ACSBG2: variants seen among roughly 807,000 people sequenced by gnomAD.
ACSBG2 encodes acyl-CoA synthetase bubblegum family member 2.
Under a neutral mutation model 74.7 loss-of-function variants are expected in ACSBG2, and 62 were observed. That is an observed-to-expected ratio of 0.83 (90% CI 0.68 to 1.03). The LOEUF is 1.03. ACSBG2 is among the 50% of genes least tolerant of loss of function. The probability of loss-of-function intolerance (pLI) is 0.00; values close to 1 mark genes in which losing one functional copy is unlikely to be tolerated. For synonymous variants in ACSBG2, 309 were observed against 294.1 expected (o/e 1.05, Z -0.52); for missense variants, 730 against 817.6 (o/e 0.89, Z 1.31).
chr19:6,144,367 A>G (rs1360677167), intron 2 of ACSBG2, among the ~76,000 whole-genome samples: 2 of 152,230 alleles, frequency 1.3e-5, no homozygotes, highest in Non-Finnish European at 2.9e-5. Context: ...TGTCTTTATA[A>G]AAGGAGGAAA....
intron 6 of ACSBG2, among the ~76,000 whole-genome samples, chr19:6,163,795 A>AC (rs1173074339): frequency 2.0e-5 from 3 of 147,976 alleles, no homozygotes; most frequent in African/African-American, 7.4e-5. Context: ...AAAAAAAAAA[A>AC]AAAAAACAGC....
rs77295395 is a variant in ACSBG2 at position 6,177,163 on chromosome 19, A to C, written c.739-66A>C. The C allele has an allele frequency of 6.2e-3, 9,661 of 1,557,096 alleles. 335 individuals are homozygous for C. In the African/African-American group the frequency reaches 0.086, roughly 14 times the overall value. On this transcript the variant is annotated intron_variant, in intron 7 of 14. Transcript: ENST00000588485. ...GTGAGCCCTGTCTGAAAAATAAATA[A>C]AAATTTAAAAATAAAATGGCCCTTC... is the stretch of plus-strand genomic sequence containing the variant.
At position 6,135,897 on chromosome 19, in the gene ACSBG2, T is replaced by G. The variant is rs1355068386; in HGVS notation, c.-44T>G. ...GCCAGATGGCCAGAACCACACCTCT[T>G]GAAGAGTGACAGGTGCCAGTGGTAT... On this transcript the variant is annotated 5_prime_UTR_variant, in exon 1 of 15. Transcript: ENST00000588485. 1.3e-5 allele frequency: 2 copies of G among 152,368 alleles called. No homozygotes were observed. Among genetic ancestry groups the G allele is most frequent in the Non-Finnish European group, 2.9e-5 (2 of 68,260 alleles). The allele number at this position is 152,368 out of a possible 1,614,324, so 9.4% of individuals were successfully genotyped here.
At position 6,148,555 on chromosome 19, in the gene ACSBG2, G is replaced by C. The variant is rs1395933738; in HGVS notation, c.297+880G>C. On this transcript the variant is annotated intron_variant, in intron 3 of 14. Coordinates refer to ENST00000588485, the MANE Select transcript of ACSBG2 (RefSeq NM_030924.5). ...CAGCTATCAGGAGGCTGAGGTGGGA[G>C]GATCACTTGAGCCTCGGAGGTCGAG... Among the ~76,000 whole-genome samples, 11 of 152,012 alleles carry C rather than the reference G, an allele frequency of 7.2e-5. No homozygotes were observed. In the East Asian group the frequency reaches 1.2e-3, roughly 16 times the overall value.
chr19:6,147,692 C>A lies in ACSBG2; in HGVS notation c.297+17C>A. On this transcript the variant is annotated intron_variant, in intron 3 of 14. Transcript: ENST00000588485. ...TTGATCAAGGTAAGATTCATTCATTCATTCTCCTTTGTTCAACCATTCATT... is the reference window on the plus strand; with the variant it reads ...TTGATCAAGGTAAGATTCATTCATTAATTCTCCTTTGTTCAACCATTCATT... 1 of 1,602,130 alleles carries A rather than the reference C, an allele frequency of 6.2e-7. No individual in the cohort carries two copies. Among genetic ancestry groups the A allele is most frequent in the Non-Finnish European group, 8.6e-7 (1 of 1,169,118 alleles).
intron 5 of ACSBG2, among the ~76,000 whole-genome samples, chr19:6,158,303 C>T (rs111991673): frequency 0.058 from 8,832 of 151,702 alleles, 293 homozygotes; most frequent in African/African-American, 0.1. Context: ...GTGATCTGCC[C>T]GCCTCGGTCT....
chr19:6,141,137 T>C (rs2088813698), intron 1 of ACSBG2, among the ~76,000 whole-genome samples: 1 of 152,168 alleles, frequency 6.6e-6, no homozygotes, highest in Admixed American at 6.6e-5. Context: ...TTATCCTGTT[T>C]CTCCTTTAGG....
intron 7 of ACSBG2, among the ~76,000 whole-genome samples, chr19:6,167,172 C>T (rs184929488): frequency 1.3e-5 from 2 of 152,270 alleles, no homozygotes; most frequent in South Asian, 2.1e-4. Context: ...TGCTTCCCTG[C>T]CCCCCCTCAG....
At chr19:6,184,868 A>AAAAAAC (rs2090361021) in intron 10 of ACSBG2, among the ~76,000 whole-genome samples, 1 of 141,546 alleles carries the variant, frequency 7.1e-6, no homozygotes, top group Non-Finnish European at 1.5e-5. Flanking sequence ...AAAAAAAAAA[A>AAAAAAC]AAAACGAAAA....
rs2090450940 is a variant in ACSBG2, at chr19:6,187,723, T to C, written c.1805T>C (p.Leu602Pro). 1 of 1,613,846 alleles carries C rather than the reference T, an allele frequency of 6.2e-7. No homozygotes were observed. The highest frequency in any genetic ancestry group is 8.5e-7 in the Non-Finnish European group (1 of 1,179,930). Reference protein sequence around the residue: ...VTEIVKQQDPLVYKAIQQGIN... With the variant: ...VTEIVKQQDPPVYKAIQQGIN... ...GAGATTGTGAAGCAGCAAGACCCCC[T>C]GGTCTACAAGGCCATCCAGCAAGGC... is the stretch of plus-strand genomic sequence containing the variant. Residue 602 changes from leucine (L) to proline (P), a missense_variant, in exon 13 of 15, where the codon CTG becomes CCG. By Grantham distance (98) the Leu-to-Pro change is moderately conservative (BLOSUM62 -3). Transcript: ENST00000588485.
At position 6,183,017 on chromosome 19, in the gene ACSBG2, T is replaced by C. The variant is rs3810456; in HGVS notation, c.1089-22T>C. The C allele has an allele frequency of 8.4e-3, 13,552 of 1,613,750 alleles. 128 individuals carry two copies. The highest frequency in any genetic ancestry group is 0.037 in the African/African-American group (2,812 of 75,018). On this transcript the variant is annotated intron_variant, in intron 9 of 14. Coordinates refer to ENST00000588485, the MANE Select transcript of ACSBG2 (RefSeq NM_030924.5). ...GTGGGTCCCATCAGCCCTTCTCCACTTGACGGCATTCTTATTCACAGGAAA... is the reference window on the plus strand; with the variant it reads ...GTGGGTCCCATCAGCCCTTCTCCACCTGACGGCATTCTTATTCACAGGAAA...
At chr19:6,157,505 G>A (rs1000914372) in intron 5 of ACSBG2, among the ~76,000 whole-genome samples, 7 of 152,196 alleles carry the variant, frequency 4.6e-5, no homozygotes, top group African/African-American at 1.7e-4. Context: ...GGAGGTTGCA[G>A]TGAGCCAAGA....
At chr19:6,170,067 C>G (rs2089923837) in intron 7 of ACSBG2, among the ~76,000 whole-genome samples, 1 of 152,058 alleles carries the variant, frequency 6.6e-6, no homozygotes, top group Non-Finnish European at 1.5e-5. Flanking sequence ...ATTCATACAT[C>G]TTTTATTTCT....
At chr19:6,163,841 G>A (rs1188742214) in intron 6 of ACSBG2, among the ~76,000 whole-genome samples, 1 of 149,922 alleles carries the variant, frequency 6.7e-6, no homozygotes, top group Non-Finnish European at 1.5e-5. Flanking sequence ...AAGCTACTCG[G>A]GAGGCTAAAG....
chr19:6,145,526 C>A, intron 2 of ACSBG2, among the ~76,000 whole-genome samples: 1 of 152,116 alleles, frequency 6.6e-6, no homozygotes, highest in East Asian at 1.9e-4. Context: ...ACCACCTCCC[C>A]AGTAGACCAG....
intron 8 of ACSBG2, among the ~76,000 whole-genome samples, chr19:6,181,084 C>A (rs1409559650): frequency 1.3e-5 from 2 of 149,036 alleles, no homozygotes; most frequent in South Asian, 2.1e-4. Context: ...ATTAGCCAGG[C>A]GTGGTGGTGT....
Position 6,180,236 on chromosome 19 carries a change from T to C in ACSBG2, c.907-2515T>C, listed in dbSNP as rs1744375094. Among the ~76,000 whole-genome samples, 1 of 152,126 alleles carries C rather than the reference T, an allele frequency of 6.6e-6. No homozygotes were observed. Among genetic ancestry groups the C allele is most frequent in the South Asian group, 2.1e-4 (1 of 4,826 alleles). On this transcript the variant is annotated intron_variant, in intron 8 of 14. Coordinates refer to ENST00000588485, the MANE Select transcript of ACSBG2 (RefSeq NM_030924.5). The surrounding 1 kb of genome is among the most constrained non-coding windows in gnomAD (Gnocchi z 4.3). ...CCCTTTTGCCATGAAAGATTACATA[T>C]TCACAGGTCCCAGGAGTTAGAACGT...
Position 6,151,793 on chromosome 19 carries a change from C to G in ACSBG2, c.384C>G (p.Ala128=). 7 of 1,588,954 alleles carry G rather than the reference C, an allele frequency of 4.4e-6. No homozygotes were observed. Among genetic ancestry groups the G allele is most frequent in the Non-Finnish European group, 5.1e-6 (6 of 1,167,010 alleles). The change falls in exon 4 of 15, where the codon GCC becomes GCG. Residue 128 remains alanine (A), a splice_region_variant and synonymous_variant. Coordinates refer to ENST00000588485, the MANE Select transcript of ACSBG2 (RefSeq NM_030924.5). ...WFITAVGAIL[A]GGLCVGIYAT... ...TCACTGCTGTTGGTGCCATCCTAGC[C>G]GGGTAAGGTCATTGGCTTGGTTCAT...
At chr19:6,186,441 T>G in intron 11 of ACSBG2, among the ~76,000 whole-genome samples, 1 of 152,222 alleles carries the variant, frequency 6.6e-6, no homozygotes, top group East Asian at 1.9e-4. Flanking sequence ...TTATACAAAA[T>G]TGAATAGTGG....
Sources: gnomAD v4.1 joint callset for allele counts (sites outside exome capture counted in the v4.1 genomes callset) on GRCh38, gnomAD v4.1.1 for gene constraint, Gnocchi (gnomAD v3.1) non-coding constraint, MANE v1.5 for transcripts, NCBI Gene and HGNC (gene_info 2026-07-23, HGNC 2026-07-21) for gene names.